Variants in TPD52L3 observed in about 807,000 individuals in gnomAD.
The protein encoded by TPD52L3 is tumor protein D55.
In TPD52L3, 12 loss-of-function variants were observed where a neutral mutation model predicts 8.7. The ratio of observed to expected loss-of-function variants is 1.38; its 90% confidence interval spans 0.89 to 2.24. TPD52L3 has a LOEUF of 2.24. TPD52L3 is among the 30% of genes most tolerant of loss of function. The pLI is 0.00. For synonymous variants in TPD52L3, 79 were observed against 66.8 expected (o/e 1.18, Z -0.89); for missense variants, 207 against 158.7 (o/e 1.30, Z -1.64).
At chr9:6,329,749 T>C (rs1224340740) in intron 1 of TPD52L3, 6 of 1,008,136 alleles carry the variant, frequency 6.0e-6, no homozygotes, top group Non-Finnish European at 6.0e-6. Flanking sequence ...GTTACATTAC[T>C]AATATAGCTT....
At position 6,328,611 on chromosome 9, in the gene TPD52L3, A is replaced by G. The variant is rs374167147; in HGVS notation, c.16A>G (p.Thr6Ala). The stretch of plus-strand genomic sequence containing the variant: ...TTCCCAGTCCATGCCACATGCCAGG[A>G]CAGAGACCTCTGTGGGCACATATGA... MPHARTETSVGTYESH... is the reference protein window; with the variant it reads MPHARAETSVGTYESH... The change falls in exon 1 of 2, where the codon ACA becomes GCA. Residue 6 changes from threonine to alanine, a missense_variant. Physicochemically the swap from Thr to Ala is moderately conservative, Grantham distance 58. Coordinates refer to ENST00000314556, the MANE Select transcript of TPD52L3 (RefSeq NM_001001874.3). The G allele has an allele frequency of 1.2e-6, 2 of 1,613,628 alleles. No homozygotes were observed. The highest frequency in any genetic ancestry group is 1.7e-5 in the Admixed American group (1 of 60,006).
intron 1 of TPD52L3, chr9:6,329,913 T>C: frequency 7.8e-7 from 1 of 1,280,016 alleles, no homozygotes; most frequent in Non-Finnish European, 9.9e-7. Context: ...TGTTTTAAAG[T>C]TTAACCCTTG....
chr9:6,328,509 G>C lies in TPD52L3; in HGVS notation c.-87G>C. The C allele has an allele frequency of 6.7e-7, 1 of 1,494,026 alleles. No individual in the cohort carries two copies. Among genetic ancestry groups the C allele is most frequent in the Non-Finnish European group, 9.0e-7 (1 of 1,114,510 alleles). The allele number at this position is 1,494,026 out of a possible 1,614,324, so 92.5% of individuals were successfully genotyped here. On this transcript the variant is annotated 5_prime_UTR_variant, in exon 1 of 2. Coordinates refer to ENST00000314556, the MANE Select transcript of TPD52L3 (RefSeq NM_001001874.3). ...CCTAGATTTCGACTCTGCTGGCCAA[G>C]ATTATTTCTCTGCAGCCCAATAATT...
rs1818060856 is a variant in TPD52L3, at chr9:6,328,567, C to G, written c.-29C>G. 3.1e-6 allele frequency: 5 copies of G among 1,605,440 alleles called. No homozygotes were observed. The highest frequency in any genetic ancestry group is 4.2e-6 in the Non-Finnish European group (5 of 1,177,610). ...TTCTACCAAGAATTGGACCTGGACTCTCTTAACGAAGATCTTCTTTCCCAG... is the reference window on the plus strand; with the variant it reads ...TTCTACCAAGAATTGGACCTGGACTGTCTTAACGAAGATCTTCTTTCCCAG... On this transcript the variant is annotated 5_prime_UTR_variant, in exon 1 of 2. Transcript: ENST00000314556.
In TPD52L3 at chr9:6,329,497, T is replaced by C. The variant is rs1046969863; in HGVS notation, c.367+535T>C. 3 of 1,011,030 alleles carry C rather than the reference T, an allele frequency of 3.0e-6. No homozygotes were observed. The African/African-American group carries it at 5.2e-5, about 18-fold the overall frequency. The allele number at this position is 1,011,030 out of a possible 1,614,324, so 62.6% of individuals were successfully genotyped here. On this transcript the variant is annotated intron_variant, in intron 1 of 1. Coordinates refer to ENST00000314556, the MANE Select transcript of TPD52L3 (RefSeq NM_001001874.3). Reference sequence around the variant, plus strand: ...AAGCCCAAACTCTCTTTTGGAAAACTAGCTTATTAGAAAGCCAAAGTAGAG... The same window carrying C: ...AAGCCCAAACTCTCTTTTGGAAAACCAGCTTATTAGAAAGCCAAAGTAGAG...
chr9:6,331,173 A>C lies in TPD52L3; in HGVS notation c.*154A>C. The C allele has an allele frequency of 1.4e-6, 1 of 724,360 alleles. No homozygotes were observed. The highest frequency in any genetic ancestry group is 2.5e-4 in the Middle Eastern group (1 of 3,966). The allele number at this position is 724,360 out of a possible 1,614,324, so 44.9% of individuals were successfully genotyped here. On this transcript the variant is annotated 3_prime_UTR_variant, in exon 2 of 2. Transcript: ENST00000314556. ...GTATCAAGAACTGTCCCAGGTTCTG[A>C]AAGCATAGAATTAGACATCGTATGT...
At chr9:6,330,667 T>G in intron 1 of TPD52L3, 5 of 1,206,672 alleles carry the variant, frequency 4.1e-6, no homozygotes, top group Non-Finnish European at 5.2e-6. Context: ...TTTACTATTT[T>G]GCATGTTCGA....
chr9:6,331,026 A>G lies in TPD52L3; in HGVS notation c.*7A>G, dbSNP rs201665083. On this transcript the variant is annotated 3_prime_UTR_variant, in exon 2 of 2. Coordinates refer to ENST00000314556, the MANE Select transcript of TPD52L3 (RefSeq NM_001001874.3). Reference sequence around the variant, plus strand: ...AAATCAAGGAAGGAATTAACATCATATACTTCAGACATCAAATATGGAATC... The same window carrying G: ...AAATCAAGGAAGGAATTAACATCATGTACTTCAGACATCAAATATGGAATC... The G allele has an allele frequency of 5.0e-6, 8 of 1,610,832 alleles. No individual in the cohort carries two copies. The highest frequency in any genetic ancestry group is 1.3e-5 in the African/African-American group (1 of 74,984).
chr9:6,329,460 G>T, intron 1 of TPD52L3: 1 of 1,022,944 alleles, frequency 9.8e-7, no homozygotes, highest in Non-Finnish European at 1.2e-6. Flanking sequence ...GCTCCAGAGG[G>T]GTCTTAGGCC....
chr9:6,330,193 G>A (rs776665704), intron 1 of TPD52L3: 18 of 1,613,960 alleles, frequency 1.1e-5, no homozygotes, highest in Non-Finnish European at 1.5e-5. Context: ...AAACCCTAAA[G>A]GAGAAGGAAG....
chr9:6,330,438 A>G, intron 1 of TPD52L3: 1 of 1,333,848 alleles, frequency 7.5e-7, no homozygotes, highest in Non-Finnish European at 9.6e-7. Context: ...CATTTCAGTA[A>G]TCTCTCACTG....
At chr9:6,329,034 G>C in intron 1 of TPD52L3, 72 bp downstream of exon 1, 1 of 1,610,242 alleles carries the variant, frequency 6.2e-7, no homozygotes, top group Non-Finnish European at 8.5e-7. Flanking sequence ...TTTCTTCTGC[G>C]GAGGGTGGGG....
At position 6,330,979 on chromosome 9, in the gene TPD52L3, T is replaced by C. The variant is rs1818140462; in HGVS notation, c.371T>C (p.Leu124Ser). The change falls in exon 2 of 2, where the codon TTG becomes TCG. Residue 124 changes from leucine to serine, a missense_variant. Coordinates refer to ENST00000314556, the MANE Select transcript of TPD52L3 (RefSeq NM_001001874.3). ...TGTTTTCCCATTTCTGGCTTAGGAT[T>C]GATCTTCAATAAATACACGTTAAAT... is the stretch of plus-strand genomic sequence containing the variant. ...KSATFRSFEGLIFNKYTLNQG... is the reference protein window; with the variant it reads ...KSATFRSFEGSIFNKYTLNQG... 1 of 1,612,830 alleles carries C rather than the reference T, an allele frequency of 6.2e-7. No homozygotes were observed. Among genetic ancestry groups the C allele is most frequent in the South Asian group, 1.1e-5 (1 of 90,692 alleles).
chr9:6,328,517 C>A lies in TPD52L3; in HGVS notation c.-79C>A. On this transcript the variant is annotated 5_prime_UTR_variant, in exon 1 of 2. Coordinates refer to ENST00000314556, the MANE Select transcript of TPD52L3 (RefSeq NM_001001874.3). Reference sequence around the variant, plus strand: ...TCGACTCTGCTGGCCAAGATTATTTCTCTGCAGCCCAATAATTCGACTCTT... The same window carrying A: ...TCGACTCTGCTGGCCAAGATTATTTATCTGCAGCCCAATAATTCGACTCTT... 1 of 1,505,606 alleles carries A rather than the reference C, an allele frequency of 6.6e-7. No homozygotes were observed. Among genetic ancestry groups the A allele is most frequent in the Non-Finnish European group, 8.9e-7 (1 of 1,122,396 alleles). 93.3% of individuals were successfully genotyped at this position (1,505,606 alleles called of 1,614,324 possible). A position where few individuals can be genotyped will look rare whatever the true frequency, so the allele number is the denominator to read the frequency against.
chr9:6,331,088 TC>T lies in TPD52L3; in HGVS notation c.*71del. 5.9e-6 allele frequency: 9 copies of T among 1,528,592 alleles called. No individual in the cohort carries two copies. The East Asian group carries it at 2.0e-4, about 35-fold the overall frequency. 94.7% of individuals were successfully genotyped at this position (1,528,592 alleles called of 1,614,324 possible). On this transcript the variant is annotated 3_prime_UTR_variant, in exon 2 of 2. Transcript: ENST00000314556. ...CAACAACATGAACTTGTTCACAAGT[TC>T]CTTCTGCTTTTAAACAAAAATATCG... is the stretch of plus-strand genomic sequence containing the variant.
Position 6,328,858 on chromosome 9 carries a change from C to T in TPD52L3, c.263C>T (p.Thr88Ile). ...KSWLDVQVSNTYVKQKTSAAL... is the reference protein window; with the variant it reads ...KSWLDVQVSNIYVKQKTSAAL... ...TGGCTTGATGTTCAGGTCTCCAACA[C>T]CTATGTGAAACAGAAGACATCAGCT... The change falls in exon 1 of 2, where the codon ACC (threonine) becomes ATC (isoleucine). Residue 88 changes from threonine (T) to isoleucine (I), a missense_variant. By Grantham distance (89) the Thr-to-Ile change is moderately conservative. Transcript: ENST00000314556. The T allele has an allele frequency of 6.2e-7, 1 of 1,614,176 alleles. No individual in the cohort carries two copies. Among genetic ancestry groups the T allele is most frequent in the East Asian group, 2.2e-5 (1 of 44,878 alleles).
intron 1 of TPD52L3, 169 bp downstream of exon 1, chr9:6,329,131 G>T (rs1252043561): frequency 1.3e-6 from 2 of 1,496,216 alleles, no homozygotes; most frequent in African/African-American, 2.8e-5. Context: ...TCTGGAGAGT[G>T]AGGATGACCA....
intron 1 of TPD52L3, chr9:6,330,220 G>A (rs760812751): frequency 5.0e-6 from 8 of 1,613,662 alleles, no homozygotes; most frequent in Non-Finnish European, 5.1e-6. Flanking sequence ...ATAACCCTCT[G>A]GAGAGCTCAA....
chr9:6,328,805 A>G lies in TPD52L3; in HGVS notation c.210A>G (p.Val70=), dbSNP rs1210781035. ...GGAAGTTAGGCCTCACCGCCTTGGT[A>G]GGGCTGAGACAGAATCTGTCCAAGA... ...LKRKLGLTAL[V]GLRQNLSKSW... The change falls in exon 1 of 2, where the codon GTA becomes GTG. Residue 70 remains valine, a synonymous_variant. Coordinates refer to ENST00000314556, the MANE Select transcript of TPD52L3 (RefSeq NM_001001874.3). 1.2e-6 allele frequency: 2 copies of G among 1,614,112 alleles called. No homozygotes were observed. Among genetic ancestry groups the G allele is most frequent in the Non-Finnish European group, 1.7e-6 (2 of 1,180,050 alleles).
Sources: gnomAD v4.1 joint callset for allele counts on GRCh38, gnomAD v4.1.1 for gene constraint, MANE v1.5 for transcripts, NCBI Gene and HGNC (gene_info 2026-07-23, HGNC 2026-07-21) for gene names.